Variants in NRG3 observed in about 807,000 individuals in gnomAD.
The protein encoded by NRG3 is pro-neuregulin-3, membrane-bound isoform.
A neutral mutation model predicts 66.9 loss-of-function variants in NRG3; 31 were observed. That is an observed-to-expected ratio of 0.46 (90% CI 0.35 to 0.63). The LOEUF is 0.63. Ranked by LOEUF, NRG3 falls within the 20% of genes least tolerant of loss-of-function variation. The pLI is 0.00. For missense variants in NRG3, 910 were observed against 878.9 expected (o/e 1.04, Z -0.45); for synonymous variants, 393 against 359.4 (o/e 1.09, Z -1.06).
intron 4 of NRG3, among the ~76,000 whole-genome samples, chr10:82,934,833 A>T (rs1218914815): frequency 2.6e-5 from 4 of 152,202 alleles, no homozygotes; most frequent in Non-Finnish European, 5.9e-5. Flanking sequence ...ATCTTTCTGA[A>T]CTTAGCACTT....
intron 2 of NRG3, among the ~76,000 whole-genome samples, chr10:82,516,681 A>G (rs1221957057): frequency 6.6e-6 from 1 of 152,190 alleles, no homozygotes; most frequent in Admixed American, 6.5e-5. Context: ...ACCAAATTTA[A>G]TTACATTTGT....
chr10:81,994,290 C>T (rs61862907), intron 1 of NRG3, among the ~76,000 whole-genome samples: 4,335 of 152,010 alleles, frequency 0.029, 88 homozygotes, highest in Non-Finnish European at 0.045. Flanking sequence ...TCCCTAATGT[C>T]CCTATTTCTG....
At chr10:82,946,843 T>C (rs1434454688) in intron 4 of NRG3, among the ~76,000 whole-genome samples, 2 of 152,286 alleles carry the variant, frequency 1.3e-5, no homozygotes, top group Non-Finnish European at 2.9e-5. Flanking sequence ...AGTATAATCA[T>C]AAAAGAAGAC....
chr10:81,994,539 G>A (rs1409235614), intron 1 of NRG3, among the ~76,000 whole-genome samples: 1 of 146,688 alleles, frequency 6.8e-6, no homozygotes, highest in Non-Finnish European at 1.5e-5. Flanking sequence ...GCCTTTAACT[G>A]CTTTTTTTTT....
At chr10:82,290,030 A>T (rs2079634872) in intron 1 of NRG3, among the ~76,000 whole-genome samples, 1 of 152,190 alleles carries the variant, frequency 6.6e-6, no homozygotes, top group Non-Finnish European at 1.5e-5. Flanking sequence ...CTCAAAATGG[A>T]TTTGCCTCAA....
At chr10:82,556,615 A>T (rs2044669963) in intron 2 of NRG3, among the ~76,000 whole-genome samples, 1 of 152,198 alleles carries the variant, frequency 6.6e-6, no homozygotes, top group Non-Finnish European at 1.5e-5. Context: ...CTTTGCTGCT[A>T]TAATTTTCAT....
intron 5 of NRG3, among the ~76,000 whole-genome samples, chr10:82,958,029 A>G (rs1044650208): frequency 2.0e-5 from 3 of 152,118 alleles, no homozygotes; most frequent in Non-Finnish European, 4.4e-5. Flanking sequence ...CTTCTGGTGT[A>G]GGCACTGAGT....
At chr10:82,009,158 G>A (rs1236307471) in intron 1 of NRG3, among the ~76,000 whole-genome samples, 8 of 152,116 alleles carry the variant, frequency 5.3e-5, no homozygotes, top group Admixed American at 4.6e-4. Context: ...TGGATAAAAG[G>A]TGGTAATAAA....
chr10:82,502,007 A>C (rs1564997439), intron 2 of NRG3, among the ~76,000 whole-genome samples: 1 of 152,156 alleles, frequency 6.6e-6, no homozygotes, highest in Non-Finnish European at 1.5e-5. Flanking sequence ...GACTGAATCA[A>C]GATGGGGATG....
intron 2 of NRG3, among the ~76,000 whole-genome samples, chr10:82,564,877 G>A (rs1379364128): frequency 6.6e-6 from 1 of 152,040 alleles, no homozygotes; most frequent in Non-Finnish European, 1.5e-5. Context: ...AAGACAAAAG[G>A]CACCTTCCCA....
chr10:82,409,489 A>AG (rs74976563), intron 2 of NRG3, among the ~76,000 whole-genome samples: 61,337 of 151,976 alleles, frequency 0.4, 15,104 homozygotes, highest in African/African-American at 0.69. Context: ...AATGAGTCTG[A>AG]GCTGGGTAGA....
chr10:82,116,558 A>T (rs1345035650), intron 1 of NRG3, among the ~76,000 whole-genome samples: 1 of 152,164 alleles, frequency 6.6e-6, no homozygotes, highest in Non-Finnish European at 1.5e-5. Context: ...GATCTCATAT[A>T]AGTGCATTTT....
chr10:81,921,426 T>G lies in NRG3; in HGVS notation c.823+45263T>G, dbSNP rs193205671. ...TGCCAAGTAGTTTTGCTTCACATAGTCTGTCTGCTTAATATCTATCTGGAT... is the reference window on the plus strand; with the variant it reads ...TGCCAAGTAGTTTTGCTTCACATAGGCTGTCTGCTTAATATCTATCTGGAT... On this transcript the variant is annotated intron_variant, in intron 1 of 8. Coordinates refer to ENST00000372141, the MANE Select transcript of NRG3 (RefSeq NM_001010848.4). 1.1e-3 allele frequency among the ~76,000 whole-genome samples: 174 copies of G among 152,244 alleles called. 1 individual carries two copies. Among genetic ancestry groups the G allele is most frequent in the Middle Eastern group, 0.01 (3 of 294 alleles).
chr10:82,738,664 T>A lies in NRG3; in HGVS notation c.1027+14T>A, dbSNP rs770344850. The A allele has an allele frequency of 6.2e-7, 1 of 1,610,486 alleles. No homozygotes were observed. Among genetic ancestry groups the A allele is most frequent in the South Asian group, 1.1e-5 (1 of 90,998 alleles). On this transcript the variant is annotated intron_variant, in intron 3 of 8. Coordinates refer to ENST00000372141, the MANE Select transcript of NRG3 (RefSeq NM_001010848.4). ...TATCGGATCCAAGTAGGTCAAGCAT[T>A]TTTCTTCTCTCTAATGCAATATATA...
At chr10:82,393,627 A>G (rs2086533581) in intron 2 of NRG3, among the ~76,000 whole-genome samples, 1 of 152,156 alleles carries the variant, frequency 6.6e-6, no homozygotes, top group African/African-American at 2.4e-5. Flanking sequence ...GGAAGGATAA[A>G]CTAGAATAAT....
intron 1 of NRG3, among the ~76,000 whole-genome samples, chr10:82,344,065 C>CTT (rs143442963): frequency 1.8e-3 from 265 of 147,934 alleles, no homozygotes; most frequent in African/African-American, 6.0e-3. Context: ...TTTTTTCTTT[C>CTT]TTTTTTTTTT....
intron 2 of NRG3, among the ~76,000 whole-genome samples, chr10:82,727,779 G>T (rs890021580): frequency 9.9e-5 from 15 of 152,244 alleles, no homozygotes; most frequent in African/African-American, 3.6e-4. Context: ...CTGTGCACCT[G>T]AAAAAGCTGC....
At chr10:82,611,201 A>G (rs1002825399) in intron 2 of NRG3, among the ~76,000 whole-genome samples, 13 of 152,118 alleles carry the variant, frequency 8.5e-5, no homozygotes, top group African/African-American at 2.6e-4. Flanking sequence ...TTAGATTGCA[A>G]TGAGTTTTCA....
intron 2 of NRG3, among the ~76,000 whole-genome samples, chr10:82,548,039 GTTT>G (rs57096412): frequency 0.019 from 2,240 of 120,978 alleles, 56 homozygotes; most frequent in African/African-American, 0.057. Context: ...CTCATGCCAC[GTTT>G]TTTTTTTTTT....
Sources: allele counts gnomAD v4.1 joint callset (sites outside exome capture counted in the v4.1 genomes callset), GRCh38; gene constraint gnomAD v4.1.1; transcripts MANE v1.5; gene names NCBI Gene and HGNC (gene_info 2026-07-23, HGNC 2026-07-21).